Variants in CFAP97D2 observed in about 807,000 individuals in gnomAD.
CFAP97D2 encodes the protein uncharacterized protein CFAP97D2.
At chr13:114,221,360 G>A (rs2081021300) in intron 4 of CFAP97D2, among the ~76,000 whole-genome samples, 1 of 152,218 alleles carries the variant, frequency 6.6e-6, no homozygotes, top group African/African-American at 2.4e-5. Flanking sequence ...AAGCCAACAT[G>A]GCTCAGTTTA....
chr13:114,179,693 C>T lies in CFAP97D2; in HGVS notation c.90+273C>T, dbSNP rs1218621840. On this transcript the variant is annotated intron_variant, in intron 1 of 4. Transcript: ENST00000646158. This position sits in a 1 kb window ranked among gnomAD's most constrained non-coding sequence, Gnocchi z 4.8. ...AGGGCCATCCTATTTCTAATCACAG[C>T]ATATATTTAAGAAGTACTTAATTTT... Among the ~76,000 whole-genome samples, 1 of 151,986 alleles carries T rather than the reference C, an allele frequency of 6.6e-6. No individual in the cohort carries two copies. The highest frequency in any genetic ancestry group is 1.5e-5 in the Non-Finnish European group (1 of 68,024).
intron 3 of CFAP97D2, 39 bp downstream of exon 3, chr13:114,200,482 C>A (rs370075294): frequency 2.5e-6 from 1 of 398,420 alleles, no homozygotes; most frequent in Non-Finnish European, 4.4e-6. Context: ...CGGCTCAGCA[C>A]CAAACCCGAG....
At chr13:114,190,056 C>T (rs1289547702) in intron 1 of CFAP97D2, among the ~76,000 whole-genome samples, 3 of 152,018 alleles carry the variant, frequency 2.0e-5, no homozygotes, top group Non-Finnish European at 4.4e-5. Flanking sequence ...ATGGGAGGAT[C>T]ACTTGAGCTC....
intron 3 of CFAP97D2, among the ~76,000 whole-genome samples, chr13:114,206,446 C>CTAT: frequency 6.6e-6 from 1 of 152,098 alleles, no homozygotes; most frequent in South Asian, 2.1e-4. Flanking sequence ...GACCATACAG[C>CTAT]GGAGACTTTG....
At position 114,189,124 on chromosome 13, in the gene CFAP97D2, A is replaced by C. The variant is rs773830727; in HGVS notation, c.91-7272A>C. Among the ~76,000 whole-genome samples, 12 of 150,572 alleles carry C rather than the reference A, an allele frequency of 8.0e-5. No homozygotes were observed. The highest frequency in any genetic ancestry group is 1.8e-4 in the Non-Finnish European group (12 of 67,698). ...TAGTAATAATATTACTAATATTAAA[A>C]AGCTATGATCATCAAGAAAGGAAAA... On this transcript the variant is annotated intron_variant, in intron 1 of 4. Transcript: ENST00000646158. The surrounding 1 kb of genome is among the most constrained non-coding windows in gnomAD (Gnocchi z 4.5).
intron 3 of CFAP97D2, among the ~76,000 whole-genome samples, chr13:114,206,459 C>T (rs2080940868): frequency 6.6e-6 from 1 of 152,144 alleles, no homozygotes; most frequent in Admixed American, 6.5e-5. Flanking sequence ...AGACTTTGAA[C>T]CCTAACCCTA....
At chr13:114,221,758 AAAAG>A (rs1409886286) in intron 4 of CFAP97D2, among the ~76,000 whole-genome samples, 2 of 110,866 alleles carry the variant, frequency 1.8e-5, no homozygotes, top group African/African-American at 1.3e-4. Flanking sequence ...ACTTAAAATG[AAAAG>A]AAAAAAAAAG....
Position 114,185,657 on chromosome 13 carries a change from G to A in CFAP97D2, c.90+6237G>A, listed in dbSNP as rs1008432070. 6.6e-6 allele frequency among the ~76,000 whole-genome samples: 1 copy of A among 152,222 alleles called. No homozygotes were observed. The highest frequency in any genetic ancestry group is 1.5e-5 in the Non-Finnish European group (1 of 68,028). On this transcript the variant is annotated intron_variant, in intron 1 of 4. Transcript: ENST00000646158. This position sits in a 1 kb window ranked among gnomAD's most constrained non-coding sequence, Gnocchi z 5.2. ...TCTCCCCACTGTTGGCACCAGCTCC[G>A]ATCTTGGAGAAAAGTTGGGGCCAAG...
chr13:114,200,415 G>C, exon 3 of CFAP97D2: 1 of 398,652 alleles, frequency 2.5e-6, no homozygotes, highest in Middle Eastern at 6.3e-4. Context: ...GGGACAGACT[G>C]ACAGCAAAAA....
rs966257923 is a variant in CFAP97D2, at chr13:114,185,572, G to A, written c.90+6152G>A. On this transcript the variant is annotated intron_variant, in intron 1 of 4. Transcript: ENST00000646158. This position sits in a 1 kb window ranked among gnomAD's most constrained non-coding sequence, Gnocchi z 5.2. ...TGTGTGTGGTTCTGCACTCTCAGGA[G>A]CCCAGGAAGGCCCCCTGTCTCCCCG... 1.3e-5 allele frequency among the ~76,000 whole-genome samples: 2 copies of A among 152,206 alleles called. No individual in the cohort carries two copies. The highest frequency in any genetic ancestry group is 2.9e-5 in the Non-Finnish European group (2 of 68,020).
chr13:114,220,726 T>C (rs1294845054), intron 4 of CFAP97D2, among the ~76,000 whole-genome samples: 2 of 152,136 alleles, frequency 1.3e-5, no homozygotes. Context: ...ACAAATGATC[T>C]CCAGGAGCAA....
chr13:114,202,364 C>T (rs538281593), intron 3 of CFAP97D2, among the ~76,000 whole-genome samples: 6 of 152,288 alleles, frequency 3.9e-5, no homozygotes, highest in East Asian at 1.9e-4. Flanking sequence ...CCAGAATGAC[C>T]GCATGAGGAG....
At chr13:114,204,561 G>A (rs916183351) in intron 3 of CFAP97D2, among the ~76,000 whole-genome samples, 1 of 152,046 alleles carries the variant, frequency 6.6e-6, no homozygotes, top group Non-Finnish European at 1.5e-5. Context: ...TTCAACAAAG[G>A]GGCCAAGACC....
intron 3 of CFAP97D2, among the ~76,000 whole-genome samples, chr13:114,202,849 C>G (rs913354562): frequency 6.6e-6 from 1 of 152,164 alleles, no homozygotes; most frequent in Non-Finnish European, 1.5e-5. Context: ...GGCATTGGTT[C>G]CATGCTGGGA....
chr13:114,185,270 T>G lies in CFAP97D2; in HGVS notation c.90+5850T>G, dbSNP rs1331917908. Among the ~76,000 whole-genome samples the G allele has an allele frequency of 1.3e-5, 2 of 152,146 alleles. No homozygotes were observed. Among genetic ancestry groups the G allele is most frequent in the African/African-American group, 4.8e-5 (2 of 41,448 alleles). On this transcript the variant is annotated intron_variant, in intron 1 of 4. Transcript: ENST00000646158. The surrounding 1 kb of genome is among the most constrained non-coding windows in gnomAD (Gnocchi z 5.2). Reference sequence around the variant, plus strand: ...CCGGAGCCCACCCCTGGGAGCCCCCTGGAACCTGTCACCCTAAGAGCCGCT... The same window carrying G: ...CCGGAGCCCACCCCTGGGAGCCCCCGGGAACCTGTCACCCTAAGAGCCGCT...
chr13:114,213,459 C>T (rs956441003), intron 4 of CFAP97D2, among the ~76,000 whole-genome samples: 1 of 150,902 alleles, frequency 6.6e-6, no homozygotes, highest in African/African-American at 2.4e-5. Flanking sequence ...GACCACAGAC[C>T]CCACCCCTGT....
intron 2 of CFAP97D2, among the ~76,000 whole-genome samples, chr13:114,198,013 G>C (rs2080895193): frequency 6.6e-6 from 1 of 151,918 alleles, no homozygotes; most frequent in Admixed American, 6.6e-5. Context: ...TTTTTAGACG[G>C]AGTCTCGCTC....
intron 3 of CFAP97D2, among the ~76,000 whole-genome samples, chr13:114,202,277 T>G (rs2080921622): frequency 6.6e-6 from 1 of 152,134 alleles, no homozygotes; most frequent in Admixed American, 6.5e-5. Flanking sequence ...AAAAAGAAAT[T>G]CAGAGATGAA....
At chr13:114,201,842 C>T (rs2080919290) in intron 3 of CFAP97D2, among the ~76,000 whole-genome samples, 1 of 152,234 alleles carries the variant, frequency 6.6e-6, no homozygotes, top group African/African-American at 2.4e-5. Flanking sequence ...ATAGAGCCAA[C>T]AATTGGACTT....
Sources: allele counts gnomAD v4.1 joint callset (sites outside exome capture counted in the v4.1 genomes callset), GRCh38; gene constraint gnomAD v4.1.1; non-coding constraint Gnocchi (gnomAD v3.1); transcripts MANE v1.5; gene names NCBI Gene and HGNC (gene_info 2026-07-23, HGNC 2026-07-21).